Variants in UBASH3A observed in about 807,000 individuals in gnomAD.
The protein encoded by UBASH3A is ubiquitin-associated and SH3 domain-containing protein A.
Under a neutral mutation model 73.5 loss-of-function variants are expected in UBASH3A, and 63 were observed. That is an observed-to-expected ratio of 0.86 (90% CI 0.70 to 1.06). UBASH3A has a LOEUF of 1.06. UBASH3A is among the 50% of genes least tolerant of loss of function. The probability of loss-of-function intolerance (pLI) is 0.00; values close to 1 mark genes in which losing one functional copy is unlikely to be tolerated. For missense variants in UBASH3A, 860 were observed against 859.0 expected, an observed-to-expected ratio of 1.00 and a Z score of -0.02; for synonymous variants, 363 against 351.1, an observed-to-expected ratio of 1.03 and a Z score of -0.38.
rs2053147530 is a variant in UBASH3A, at chr21:42,413,702, G to A, written c.667+179G>A. Among the ~76,000 whole-genome samples the A allele has an allele frequency of 6.6e-6, 1 of 152,180 alleles. No individual in the cohort carries two copies. The highest frequency in any genetic ancestry group is 1.5e-5 in the Non-Finnish European group (1 of 68,014). On this transcript the variant is annotated intron_variant, in intron 5 of 14. Transcript: ENST00000319294. This position sits in a 1 kb window ranked among gnomAD's most constrained non-coding sequence, Gnocchi z 4.5. The stretch of plus-strand genomic sequence containing the variant: ...GTGACTGTGACGGGGTTGGAGGCTG[G>A]TGCACACAGGGAGTCAGGGCCTCCC...
At chr21:42,432,545 CACAT>C (rs2053553109) in intron 9 of UBASH3A, among the ~76,000 whole-genome samples, 1 of 152,224 alleles carries the variant, frequency 6.6e-6, no homozygotes, top group Non-Finnish European at 1.5e-5. Context: ...CTTATAAATA[CACAT>C]ACCCACAAGC....
rs780652404 is a variant in UBASH3A, at chr21:42,447,108, T to C, written c.1900T>C (p.Trp634Arg). ...FCEENKEEGK[W>R]ELVNPPVKTL... is the part of the protein sequence containing the mutation. Reference sequence around the variant, plus strand: ...TGAAGAAAATAAAGAGGAAGGAAAATGGGAGTTGGTGAACCCACCGGTGAA... The same window carrying C: ...TGAAGAAAATAAAGAGGAAGGAAAACGGGAGTTGGTGAACCCACCGGTGAA... Residue 634 changes from tryptophan to arginine, a missense_variant, in exon 15 of 15, where the codon TGG becomes CGG. By Grantham distance (101) the Trp-to-Arg change is moderately radical. Transcript: ENST00000319294. 118 of 1,613,826 alleles carry C rather than the reference T, an allele frequency of 7.3e-5. No homozygotes were observed. The highest frequency in any genetic ancestry group is 5.9e-6 in the Non-Finnish European group (7 of 1,179,938).
At chr21:42,442,978 A>T (rs1300441523) in intron 12 of UBASH3A, among the ~76,000 whole-genome samples, 1 of 152,212 alleles carries the variant, frequency 6.6e-6, no homozygotes. Context: ...AAGAACAGAC[A>T]CAGAAGCCCA....
rs1015438299 is a variant in UBASH3A, at chr21:42,413,677, G to A, written c.667+154G>A. Among the ~76,000 whole-genome samples the A allele has an allele frequency of 6.6e-6, 1 of 152,198 alleles. No individual in the cohort carries two copies. The highest frequency in any genetic ancestry group is 2.4e-5 in the African/African-American group (1 of 41,452). Reference sequence around the variant, plus strand: ...TGTGCCAAGCATCAAGCCTGAGTGGGTGACTGTGACGGGGTTGGAGGCTGG... The same window carrying A: ...TGTGCCAAGCATCAAGCCTGAGTGGATGACTGTGACGGGGTTGGAGGCTGG... On this transcript the variant is annotated intron_variant, in intron 5 of 14. Transcript: ENST00000319294. The surrounding 1 kb of genome is among the most constrained non-coding windows in gnomAD (Gnocchi z 4.5).
chr21:42,440,192 G>T (rs1406667405), intron 11 of UBASH3A, among the ~76,000 whole-genome samples: 1 of 152,224 alleles, frequency 6.6e-6, no homozygotes, highest in African/African-American at 2.4e-5. Flanking sequence ...AGCAGGTCCA[G>T]CCTTCGTGTT....
At chr21:42,438,577 G>A (rs2053670512) in intron 11 of UBASH3A, among the ~76,000 whole-genome samples, 1 of 152,156 alleles carries the variant, frequency 6.6e-6, no homozygotes, top group African/African-American at 2.4e-5. Flanking sequence ...GGTAAGGGCA[G>A]GGTTGAGCTG....
chr21:42,442,167 C>T (rs1251566936), intron 11 of UBASH3A, among the ~76,000 whole-genome samples: 1 of 152,148 alleles, frequency 6.6e-6, no homozygotes, highest in Non-Finnish European at 1.5e-5. Context: ...CCAGCCTAAG[C>T]CTGCTGCCTG....
intron 13 of UBASH3A, among the ~76,000 whole-genome samples, chr21:42,444,245 T>A (rs2053807105): frequency 6.6e-6 from 1 of 152,118 alleles, no homozygotes; most frequent in Admixed American, 6.5e-5. Flanking sequence ...CATCCCAGTC[T>A]GTGGCTGACG....
At chr21:42,411,673 G>A (rs1257024759) in intron 3 of UBASH3A, among the ~76,000 whole-genome samples, 1 of 152,156 alleles carries the variant, frequency 6.6e-6, no homozygotes, top group Non-Finnish European at 1.5e-5. Context: ...GCCTGGCCGT[G>A]GTTAGTGGAG....
rs746815063 is a variant in UBASH3A at position 42,432,103 on chromosome 21, G to A, written c.1171G>A (p.Ala391Thr). 3 of 1,609,654 alleles carry A rather than the reference G, an allele frequency of 1.9e-6. No individual in the cohort carries two copies. Among genetic ancestry groups the A allele is most frequent in the Non-Finnish European group, 2.5e-6 (3 of 1,176,850 alleles). Residue 391 changes from alanine to threonine, a missense_variant and splice_region_variant, in exon 9 of 15, where the codon GCT becomes ACT. Ala to Thr is a moderately conservative substitution (Grantham distance 58, BLOSUM62 0). Transcript: ENST00000319294. The part of the protein sequence containing the change: ...RSLSSLQALQ[A>T]TVARKSVLVV... ...CCTTGCTTCCTGCCCCACCCCCCAG[G>A]CTACCGTTGCAAGGAAGAGCGTGCT...
At chr21:42,431,251 C>A (rs886263788) in intron 8 of UBASH3A, among the ~76,000 whole-genome samples, 46 of 152,236 alleles carry the variant, frequency 3.0e-4, no homozygotes, top group African/African-American at 1.1e-3. Context: ...CCCACAACAC[C>A]ATCCCACACA....
At position 42,413,788 on chromosome 21, in the gene UBASH3A, A is replaced by G. The variant is rs766303434; in HGVS notation, c.667+265A>G. Among the ~76,000 whole-genome samples, 2 of 152,126 alleles carry G rather than the reference A, an allele frequency of 1.3e-5. No individual in the cohort carries two copies. Among genetic ancestry groups the G allele is most frequent in the Non-Finnish European group, 2.9e-5 (2 of 68,022 alleles). ...CGTGACTTATTTCTGTATTTTCAGT[A>G]TGAGCTTAGTGCTCTCTCCTTGGCC... On this transcript the variant is annotated intron_variant, in intron 5 of 14. Coordinates refer to ENST00000319294, the MANE Select transcript of UBASH3A (RefSeq NM_018961.4). The surrounding 1 kb of genome is among the most constrained non-coding windows in gnomAD (Gnocchi z 4.5).
At chr21:42,431,687 A>T (rs2146570086) in intron 8 of UBASH3A, among the ~76,000 whole-genome samples, 1 of 152,316 alleles carries the variant, frequency 6.6e-6, no homozygotes, top group African/African-American at 2.4e-5. Context: ...TTCTCAGAAG[A>T]AGTGTGCCAG....
Position 42,413,910 on chromosome 21 carries a change from G to C in UBASH3A, c.667+387G>C, listed in dbSNP as rs1429387213. 6.6e-6 allele frequency among the ~76,000 whole-genome samples: 1 copy of C among 152,186 alleles called. No individual in the cohort carries two copies. The highest frequency in any genetic ancestry group is 2.4e-5 in the African/African-American group (1 of 41,434). On this transcript the variant is annotated intron_variant, in intron 5 of 14. Coordinates refer to ENST00000319294, the MANE Select transcript of UBASH3A (RefSeq NM_018961.4). This position sits in a 1 kb window ranked among gnomAD's most constrained non-coding sequence, Gnocchi z 4.5. ...GGCCTGGAGACCAAGGCTACCATTG[G>C]GGTTTAGTGGAAAGGATTGTGGACT...
chr21:42,432,019 G>A (rs2053540353), intron 8 of UBASH3A, 84 bp from the exon 9 acceptor site: 2 of 778,608 alleles, frequency 2.6e-6, no homozygotes, highest in Non-Finnish European at 4.4e-6. Context: ...CAGTTGCTGG[G>A]TGACTGGGAG....
intron 1 of UBASH3A, among the ~76,000 whole-genome samples, chr21:42,405,298 C>T (rs1324251010): frequency 6.6e-6 from 1 of 152,188 alleles, no homozygotes; most frequent in African/African-American, 2.4e-5. Context: ...CACTGCTCAC[C>T]ACCCAGTGCA....
At chr21:42,436,808 C>T (rs930445720) in intron 10 of UBASH3A, among the ~76,000 whole-genome samples, 25 of 150,508 alleles carry the variant, frequency 1.7e-4, no homozygotes, top group Admixed American at 1.2e-3. Flanking sequence ...GCTTTTCCTT[C>T]CACGAGCTTC....
chr21:42,430,796 C>G (rs115641947), intron 8 of UBASH3A, among the ~76,000 whole-genome samples: 46 of 152,212 alleles, frequency 3.0e-4, no homozygotes, highest in Non-Finnish European at 4.0e-4. Flanking sequence ...CATGCTCCCC[C>G]CTGCGGTGCC....
intron 7 of UBASH3A, among the ~76,000 whole-genome samples, chr21:42,423,388 A>G (rs1217347837): frequency 6.6e-6 from 1 of 152,252 alleles, no homozygotes; most frequent in African/African-American, 2.4e-5. Flanking sequence ...ACTCGGGCCC[A>G]GGAGGCCAGG....
Sources: allele counts gnomAD v4.1 joint callset (sites outside exome capture counted in the v4.1 genomes callset), GRCh38; gene constraint gnomAD v4.1.1; non-coding constraint Gnocchi (gnomAD v3.1); transcripts MANE v1.5; gene names NCBI Gene and HGNC (gene_info 2026-07-23, HGNC 2026-07-21).